The following TNRC6C variants were observed in gnomAD, a reference collection of about 807,000 sequenced individuals.
The protein encoded by TNRC6C is trinucleotide repeat-containing gene 6C protein.
In TNRC6C, 20 loss-of-function variants were observed where a neutral mutation model predicts 153.7. The observed-to-expected ratio is 0.13, with a 90% CI of 0.09 to 0.19. TNRC6C has a LOEUF of 0.19. Among genes scored for constraint, TNRC6C ranks in the 10% least tolerant of loss-of-function variants. The probability of loss-of-function intolerance (pLI) is 1.00; values close to 1 mark genes in which losing one functional copy is unlikely to be tolerated. For synonymous variants in TNRC6C, 811 were observed against 841.4 expected (o/e 0.96, Z 0.63); for missense variants, 1,987 against 2,172.0 (o/e 0.91, Z 1.69).
intron 1 of TNRC6C, among the ~76,000 whole-genome samples, chr17:77,963,763 T>G (rs1316527248): frequency 2.0e-5 from 3 of 152,248 alleles, no homozygotes; most frequent in Non-Finnish European, 4.4e-5. Context: ...GAACTCTTAA[T>G]ATTCTCTGTG....
chr17:78,083,411 A>G (rs975401007), intron 11 of TNRC6C, among the ~76,000 whole-genome samples: 5 of 152,226 alleles, frequency 3.3e-5, no homozygotes, highest in Admixed American at 1.3e-4. Flanking sequence ...CTATGTTGCC[A>G]GGCTGGTCTG....
chr17:77,974,364 A>G (rs754483925), intron 1 of TNRC6C, among the ~76,000 whole-genome samples: 1 of 152,182 alleles, frequency 6.6e-6, no homozygotes, highest in Non-Finnish European at 1.5e-5. Flanking sequence ...TAATTTGTCT[A>G]TTCCTAGGAA....
chr17:77,989,622 G>T (rs939613979), intron 1 of TNRC6C, among the ~76,000 whole-genome samples: 4 of 152,142 alleles, frequency 2.6e-5, no homozygotes, highest in Non-Finnish European at 4.4e-5. Context: ...ATTTACCTGT[G>T]TTTGTATTTG....
chr17:78,091,671 G>A lies in TNRC6C; in HGVS notation c.3970+64G>A, dbSNP rs1348314770. On this transcript the variant is annotated intron_variant, in intron 14 of 19. Transcript: ENST00000301624. The stretch of plus-strand genomic sequence containing the variant: ...TGGCTTATTAATCGATCGTCCTGTT[G>A]TATAGCATGGCCATTCTATACTTTT... The A allele has an allele frequency of 3.7e-6, 5 of 1,338,118 alleles. No homozygotes were observed. The Admixed American group carries it at 1.2e-4, about 31-fold the overall frequency. 82.9% of individuals were successfully genotyped at this position (1,338,118 alleles called of 1,614,324 possible).
At chr17:78,102,535 C>G (rs745883859) in exon 18 of TNRC6C, 3 of 1,602,546 alleles carry the variant, frequency 1.9e-6, no homozygotes, top group East Asian at 2.3e-5. Flanking sequence ...TTCGAAACCT[C>G]ACTCCCCAGG....
At chr17:78,068,062 C>A (rs1469397861) in intron 5 of TNRC6C, 139 bp downstream of exon 7, 4 of 967,758 alleles carry the variant, frequency 4.1e-6, no homozygotes, top group African/African-American at 1.7e-5. Flanking sequence ...TCCCAGAGAC[C>A]CTTTCAGGGG....
At chr17:78,103,351 G>T in intron 18 of TNRC6C, 63 bp from the exon 22 acceptor site, 1 of 1,576,640 alleles carries the variant, frequency 6.3e-7, no homozygotes, top group South Asian at 1.2e-5. Flanking sequence ...TTTTTTCTTT[G>T]GAAGGCTGTA....
intron 9 of TNRC6C, chr17:78,077,677 T>G (rs968772625): frequency 3.9e-6 from 1 of 253,398 alleles, no homozygotes. Context: ...CCCACCCTCT[T>G]TCCTCATGGC....
intron 17 of TNRC6C, among the ~76,000 whole-genome samples, chr17:78,100,602 C>G (rs1340993131): frequency 2.0e-5 from 3 of 152,154 alleles, no homozygotes; most frequent in Admixed American, 1.3e-4. Flanking sequence ...CCATTTTTTC[C>G]TTGTAGGCCT....
chr17:78,036,420 A>G (rs1386813675), intron 2 of TNRC6C, among the ~76,000 whole-genome samples: 8 of 152,188 alleles, frequency 5.3e-5, no homozygotes, highest in Non-Finnish European at 7.3e-5. Context: ...AGTAAGTGTT[A>G]TAGTCCTGTA....
rs114421997 is a variant in TNRC6C at position 78,092,557 on chromosome 17, A to G, written c.3971-376A>G. Among the ~76,000 whole-genome samples the G allele has an allele frequency of 2.5e-3, 384 of 152,296 alleles. 1 individual carries two copies. The highest frequency in any genetic ancestry group is 8.9e-3 in the African/African-American group (371 of 41,560). Reference sequence around the variant, plus strand: ...CTGAAATTGTTCTTCAAGGGTTTCAATCTTTCAGGGCTGAAATTGTAGCTA... The same window carrying G: ...CTGAAATTGTTCTTCAAGGGTTTCAGTCTTTCAGGGCTGAAATTGTAGCTA... On this transcript the variant is annotated intron_variant, in intron 14 of 19. Coordinates refer to ENST00000301624, the Ensembl canonical transcript of TNRC6C.
chr17:77,961,303 C>T (rs1156951147), intron 1 of TNRC6C, among the ~76,000 whole-genome samples: 1 of 152,028 alleles, frequency 6.6e-6, no homozygotes, highest in East Asian at 1.9e-4. Context: ...TTACAGGTGC[C>T]CGCCGCCACG....
intron 1 of TNRC6C, among the ~76,000 whole-genome samples, chr17:77,997,330 C>T (rs959781542): frequency 3.3e-5 from 5 of 152,142 alleles, no homozygotes; most frequent in African/African-American, 9.7e-5. Context: ...ACCTCTCTTA[C>T]GATCTCCGTG....
rs1259721431 is a variant in TNRC6C, at chr17:78,097,878, TAGACTTGCA to T, written c.4307-464_4307-456del. On this transcript the variant is annotated intron_variant, in intron 16 of 19. Transcript: ENST00000301624. Reference sequence around the variant, plus strand: ...GTGTTGCAGGTACGCGCCTGGCCTCTAGACTTGCAGGTAGCATTTTCTTTCTTTTCCCAA... The same window carrying T: ...GTGTTGCAGGTACGCGCCTGGCCTCTGGTAGCATTTTCTTTCTTTTCCCAA... 6.7e-7 allele frequency: 1 copy of T among 1,502,164 alleles called. No individual in the cohort carries two copies. Among genetic ancestry groups the T allele is most frequent in the Non-Finnish European group, 8.9e-7 (1 of 1,118,674 alleles). The allele number at this position is 1,502,164 out of a possible 1,614,324, so 93.1% of individuals were successfully genotyped here. A position where few individuals can be genotyped will look rare whatever the true frequency, so the allele number is the denominator to read the frequency against.
chr17:78,034,691 C>T (rs550756501), intron 2 of TNRC6C, among the ~76,000 whole-genome samples: 34 of 152,234 alleles, frequency 2.2e-4, no homozygotes, highest in South Asian at 8.3e-4. Context: ...TGTTTGAGGT[C>T]GGGCGTGGTG....
At chr17:78,050,757 G>C (rs1411788340) in exon 3 of TNRC6C, 1 of 1,597,514 alleles carries the variant, frequency 6.3e-7, no homozygotes, top group Non-Finnish European at 8.5e-7. Flanking sequence ...CAAATCAGGA[G>C]GACAAGTCAC....
At chr17:78,021,770 A>G (rs141681703) in intron 1 of TNRC6C, among the ~76,000 whole-genome samples, 2 of 152,208 alleles carry the variant, frequency 1.3e-5, no homozygotes, top group Non-Finnish European at 2.9e-5. Context: ...GGGTTTCACC[A>G]TGTTGGCCAA....
intron 1 of TNRC6C, among the ~76,000 whole-genome samples, chr17:78,029,152 T>C (rs1445744953): frequency 1.3e-5 from 2 of 152,234 alleles, no homozygotes; most frequent in Non-Finnish European, 2.9e-5. Context: ...CTGCATTCTT[T>C]CCCAGTAAAT....
chr17:77,982,369 A>G (rs1205958404), intron 1 of TNRC6C, among the ~76,000 whole-genome samples: 3 of 152,190 alleles, frequency 2.0e-5, no homozygotes, highest in Non-Finnish European at 4.4e-5. Flanking sequence ...TGTTTTCTGC[A>G]GGACATAATT....
Sources: allele counts gnomAD v4.1 joint callset (sites outside exome capture counted in the v4.1 genomes callset), GRCh38; gene constraint gnomAD v4.1.1; transcripts MANE v1.5; gene names NCBI Gene and HGNC (gene_info 2026-07-23, HGNC 2026-07-21).